DYSF: variants seen among roughly 807,000 people sequenced by gnomAD.
The protein encoded by DYSF is dysferlin.
Under a neutral mutation model 274.9 loss-of-function variants are expected in DYSF, and 212 were observed. The ratio of observed to expected loss-of-function variants is 0.77; its 90% CI spans 0.69 to 0.86. DYSF has a LOEUF of 0.86. DYSF is among the 40% of genes least tolerant of loss of function. DYSF has a pLI of 0.00. For synonymous variants in DYSF, 1,091 were observed against 1,078.7 expected (o/e 1.01, Z -0.22); for missense variants, 2,666 against 2,783.2 (o/e 0.96, Z 0.95).
chr2:71,617,972 GTT>G (rs1315489363), intron 40 of DYSF, among the ~76,000 whole-genome samples: 1 of 141,988 alleles, frequency 7.0e-6, no homozygotes, highest in Admixed American at 7.0e-5. Flanking sequence ...TGGTAGAGGT[GTT>G]TGTGTGGTAG....
intron 6 of DYSF, 121 bp downstream of exon 6, chr2:71,513,453 C>A (rs976869602): frequency 1.8e-6 from 2 of 1,081,950 alleles, no homozygotes; most frequent in African/African-American, 1.6e-5. Context: ...CAGGACTTGG[C>A]GGGTGGGAGG....
intron 27 of DYSF, 96 bp downstream of exon 27, chr2:71,570,030 C>A: frequency 8.2e-7 from 1 of 1,223,264 alleles, no homozygotes; most frequent in Non-Finnish European, 1.2e-6. Flanking sequence ...CTCTTTGCCC[C>A]CTCTTACCTC....
chr2:71,503,088 G>C (rs2085151617), intron 3 of DYSF, 126 bp from the exon 4 acceptor site: 2 of 849,124 alleles, frequency 2.4e-6, no homozygotes, highest in South Asian at 2.7e-5. Flanking sequence ...GAGCCCTCGT[G>C]GGGTGCTGGG....
Position 71,564,167 on chromosome 2 carries a change from A to T in DYSF, c.2519A>T (p.Asn840Ile). ...GTCCTCTTCTCCCGGCGGGGTGCCA[A>T]CTACTGTGGCAAGAATTGTGGGAAG... ...HQVLFSRRGANYCGKNCGKLQ... is the reference protein window; with the variant it reads ...HQVLFSRRGAIYCGKNCGKLQ... The change falls in exon 24 of 56, where the codon AAC (asparagine) becomes ATC (isoleucine). Residue 840 changes from asparagine to isoleucine, a missense_variant. By Grantham distance (149) the Asn-to-Ile change is moderately radical. Transcript: ENST00000410020. 6.2e-7 allele frequency: 1 copy of T among 1,614,258 alleles called. No individual in the cohort carries two copies. The highest frequency in any genetic ancestry group is 8.5e-7 in the Non-Finnish European group (1 of 1,180,030).
chr2:71,636,628 G>C (rs991378326), intron 41 of DYSF, among the ~76,000 whole-genome samples: 4 of 152,174 alleles, frequency 2.6e-5, no homozygotes, highest in Non-Finnish European at 5.9e-5. Flanking sequence ...CAGATGTCCA[G>C]TGGGAGATGT....
chr2:71,545,922 A>T (rs1159317659), intron 17 of DYSF, among the ~76,000 whole-genome samples: 1 of 152,238 alleles, frequency 6.6e-6, no homozygotes, highest in African/African-American at 2.4e-5. Flanking sequence ...AGGCATTCAA[A>T]GTCGGGACCA....
chr2:71,558,281 C>T (rs1443574607), intron 22 of DYSF, among the ~76,000 whole-genome samples: 1 of 151,868 alleles, frequency 6.6e-6, no homozygotes, highest in African/African-American at 2.4e-5. Flanking sequence ...GGAGGAGGAG[C>T]CAGTTGAGGG....
rs1346343229 is a variant in DYSF, at chr2:71,574,369, C to T, written c.3400C>T (p.Leu1134=). The T allele has an allele frequency of 2.5e-6, 4 of 1,613,502 alleles. No homozygotes were observed. The South Asian group carries it at 3.3e-5, about 13-fold the overall frequency. The change falls in exon 30 of 56, where the codon CTG becomes TTG. Residue 1134 remains leucine, a splice_region_variant and synonymous_variant. Coordinates refer to ENST00000410020, the MANE Select transcript of DYSF (RefSeq NM_001130987.2). The part of the protein sequence containing the change: ...PAAVFALEGA[L]GGVMDDKSED... ...AGCTGTGTTTGCCCTTGAGGGGGCC[C>T]TGGTATGTGGGGCTGCACTTGTCCT...
intron 17 of DYSF, among the ~76,000 whole-genome samples, chr2:71,543,362 T>C (rs2090135571): frequency 6.9e-6 from 1 of 145,644 alleles, no homozygotes; most frequent in South Asian, 2.2e-4. Context: ...GAAGAGACGC[T>C]CCTCACTTCC....
intron 17 of DYSF, among the ~76,000 whole-genome samples, chr2:71,545,867 T>G (rs896867177): frequency 7.9e-5 from 12 of 152,074 alleles, no homozygotes; most frequent in Non-Finnish European, 2.9e-5. Context: ...GTTTATGTGG[T>G]CACTAGATGG....
chr2:71,680,232 A>G (rs529287542), intron 53 of DYSF, among the ~76,000 whole-genome samples: 218 of 152,314 alleles, frequency 1.4e-3, no homozygotes, highest in African/African-American at 4.9e-3. Context: ...AAACCCAAAG[A>G]TAAGGGAGGA....
intron 40 of DYSF, 77 bp downstream of exon 40, chr2:71,613,487 T>A: frequency 8.3e-7 from 1 of 1,200,082 alleles, no homozygotes; most frequent in Non-Finnish European, 1.2e-6. Flanking sequence ...CCTTCTCCCC[T>A]ACCCTTCATT....
intron 3 of DYSF, among the ~76,000 whole-genome samples, chr2:71,492,301 T>A (rs2083922308): frequency 6.6e-6 from 1 of 152,132 alleles, no homozygotes; most frequent in Non-Finnish European, 1.5e-5. Context: ...TTCCTGCCCC[T>A]CACTGCCTGG....
At position 71,561,956 on chromosome 2, in the gene DYSF, T is replaced by C; in HGVS notation, c.2409+12T>C. 1.9e-6 allele frequency: 3 copies of C among 1,612,028 alleles called. No individual in the cohort carries two copies. In the South Asian group the frequency reaches 3.3e-5, roughly 18 times the overall value. Reference sequence around the variant, plus strand: ...CCCTGGCAGAGGAGGTAATTAAGCCTGGGGGTGCCTTTCTTCTTCTGCTCT... The same window carrying C: ...CCCTGGCAGAGGAGGTAATTAAGCCCGGGGGTGCCTTTCTTCTTCTGCTCT... On this transcript the variant is annotated intron_variant, in intron 23 of 55. Transcript: ENST00000410020.
chr2:71,669,890 GC>G, intron 51 of DYSF, 144 bp downstream of exon 51: 1 of 1,069,228 alleles, frequency 9.4e-7, no homozygotes, highest in Non-Finnish European at 1.4e-6. Context: ...TCTCCACATG[GC>G]CACCACCTCC....
intron 51 of DYSF, among the ~76,000 whole-genome samples, chr2:71,672,194 G>C (rs1333272944): frequency 2.0e-5 from 3 of 151,606 alleles, no homozygotes; most frequent in Non-Finnish European, 4.4e-5. Context: ...CGAAGGCGGA[G>C]ACAGAAACTG....
At chr2:71,537,223 G>GTTTTGTTTTTTTTTTT (rs1553536523) in intron 16 of DYSF, among the ~76,000 whole-genome samples, 25 of 79,616 alleles carry the variant, frequency 3.1e-4, no homozygotes, top group Admixed American at 5.5e-4. Context: ...TTCTAGTTTT[G>GTTTTGTTTTTTTTTTT]TTTTTTTTTT....
chr2:71,515,892 G>T, intron 8 of DYSF, 141 bp downstream of exon 8: 1 of 1,276,698 alleles, frequency 7.8e-7, no homozygotes, highest in Non-Finnish European at 1.1e-6. Flanking sequence ...CTCCCAAGGA[G>T]GTTATCTGTG....
chr2:71,611,019 A>G, intron 36 of DYSF: 1 of 596,520 alleles, frequency 1.7e-6, no homozygotes, highest in Non-Finnish European at 3.1e-6. Flanking sequence ...AGGTGACCTG[A>G]ACCCTGGATG....
Sources: gnomAD v4.1 joint callset for allele counts (sites outside exome capture counted in the v4.1 genomes callset) on GRCh38, gnomAD v4.1.1 for gene constraint, MANE v1.5 for transcripts, NCBI Gene and HGNC (gene_info 2026-07-23, HGNC 2026-07-21) for gene names.